CNTNAP3: variants seen among roughly 807,000 people sequenced by gnomAD.
CNTNAP3 encodes the protein contactin-associated protein-like 3.
A neutral mutation model predicts 92.1 loss-of-function variants in CNTNAP3; 36 were observed. That is an observed-to-expected ratio of 0.39 (90% CI 0.30 to 0.52). CNTNAP3 has a LOEUF of 0.52. CNTNAP3 is among the 20% of genes least tolerant of loss of function. The pLI, the probability that CNTNAP3 is intolerant of heterozygous loss-of-function variation, is 0.76. For missense variants in CNTNAP3, 534 were observed against 1,069.6 expected, an observed-to-expected ratio of 0.50 and a Z score of 6.98; for synonymous variants, 232 against 422.3, an observed-to-expected ratio of 0.55 and a Z score of 5.53.
rs1825571060 is a variant in CNTNAP3, at chr9:39,068,787, C to G, written c.*5103G>C. On this transcript the variant is annotated 3_prime_UTR_variant, in exon 24 of 24. Coordinates refer to ENST00000297668, the MANE Select transcript of CNTNAP3 (RefSeq NM_033655.5). The stretch of plus-strand genomic sequence containing the variant: ...TCCATTGTCACTGCTGTCTCAAATT[C>G]TCTCAAGTTGTAAGCTGGGATACTC... 6.6e-6 allele frequency among the ~76,000 whole-genome samples: 1 copy of G among 152,310 alleles called. No homozygotes were observed. Among genetic ancestry groups the G allele is most frequent in the African/African-American group, 2.4e-5 (1 of 41,488 alleles).
chr9:39,097,355 T>C (rs1166057142), intron 18 of CNTNAP3, among the ~76,000 whole-genome samples: 1 of 151,828 alleles, frequency 6.6e-6, no homozygotes. Flanking sequence ...CTGTGGGGAG[T>C]GAGAGTGGCC....
Position 39,118,218 on chromosome 9 carries a change from T to C in CNTNAP3, c.2122A>G (p.Thr708Ala). The change falls in exon 14 of 24, where the codon ACA (threonine) becomes GCA (alanine). Residue 708 changes from threonine to alanine, a missense_variant. Coordinates refer to ENST00000297668, the MANE Select transcript of CNTNAP3 (RefSeq NM_033655.5). ...LSWWVGRTNETHTSWGGSLPD... is the reference protein window; with the variant it reads ...LSWWVGRTNEAHTSWGGSLPD... ...AGAGAACCTCCCCAGGAAGTGTGTG[T>C]TTCATTGGTTCTTCCAACCCACCAG... 1 of 1,608,392 alleles carries C rather than the reference T, an allele frequency of 6.2e-7. No individual in the cohort carries two copies. The highest frequency in any genetic ancestry group is 1.8e-4 in the Middle Eastern group (1 of 5,640).
intron 12 of CNTNAP3, among the ~76,000 whole-genome samples, chr9:39,136,621 C>G (rs1820231544): frequency 6.6e-6 from 1 of 152,092 alleles, no homozygotes; most frequent in African/African-American, 2.4e-5. Flanking sequence ...TTTACCTGGC[C>G]TGGGCACGGT....
intron 13 of CNTNAP3, among the ~76,000 whole-genome samples, chr9:39,131,980 A>G (rs528171660): frequency 2.0e-5 from 3 of 151,876 alleles, no homozygotes; most frequent in African/African-American, 7.3e-5. Flanking sequence ...AAAATTAAAG[A>G]GTGAAATTTA....
In CNTNAP3 at chr9:39,098,308, C is replaced by A. The variant is rs1624666; in HGVS notation, c.2995+1603G>T. On this transcript the variant is annotated intron_variant, in intron 18 of 23. Transcript: ENST00000297668. The stretch of plus-strand genomic sequence containing the variant: ...AGTACACACATACACATACACACAC[C>A]CCCCAAATATATCTGTAAATAAAAA... Among the ~76,000 whole-genome samples, 532 of 149,826 alleles carry A rather than the reference C, an allele frequency of 3.6e-3. 4 individuals are homozygous for A. Among genetic ancestry groups the A allele is most frequent in the African/African-American group, 0.012 (505 of 40,668 alleles).
intron 9 of CNTNAP3, chr9:39,159,245 T>C (rs1822023372): frequency 6.7e-6 from 1 of 149,896 alleles, no homozygotes; most frequent in Admixed American, 6.7e-5. Context: ...CATGATCATG[T>C]ATGTTACTTC....
At chr9:39,139,981 G>A (rs11790484) in intron 12 of CNTNAP3, 2,754 of 152,680 alleles carry the variant, frequency 0.018, 56 homozygotes, top group East Asian at 0.11. Flanking sequence ...TCTGGATCTC[G>A]TGATCTGCCC....
rs1554653674 is a variant in CNTNAP3 at position 39,217,383 on chromosome 9, T to TATATATAC, written c.390+21609_390+21610insGTATATAT. Among the ~76,000 whole-genome samples, 2 of 24,656 alleles carry TATATATAC rather than the reference T, an allele frequency of 8.1e-5. 1 individual carries two copies. The highest frequency in any genetic ancestry group is 1.3e-4 in the African/African-American group (2 of 15,456). 16.2% of individuals were successfully genotyped at this position (24,656 alleles called of 152,430 possible). A position where few individuals can be genotyped will look rare whatever the true frequency, so the allele number is the denominator to read the frequency against. On this transcript the variant is annotated intron_variant, in intron 3 of 23. Coordinates refer to ENST00000297668, the MANE Select transcript of CNTNAP3 (RefSeq NM_033655.5). ...GTATATATATATATATATATATATA[T>TATATATAC]ATATATATATATATATATTCATTGT...
At chr9:39,137,269 A>G (rs1821461935) in intron 12 of CNTNAP3, among the ~76,000 whole-genome samples, 1 of 151,540 alleles carries the variant, frequency 6.6e-6, no homozygotes, top group Non-Finnish European at 1.5e-5. Context: ...TTCTTTCCAA[A>G]GCTGTGCCTG....
intron 21 of CNTNAP3, among the ~76,000 whole-genome samples, chr9:39,082,086 C>CA (rs34730493): frequency 0.23 from 23,105 of 101,938 alleles, 3,610 homozygotes; most frequent in African/African-American, 0.36. Flanking sequence ...AACTCGATCT[C>CA]AAAAAAAAAA....
chr9:39,168,297 G>T (rs867537764), intron 8 of CNTNAP3, among the ~76,000 whole-genome samples: 4 of 150,826 alleles, frequency 2.7e-5, no homozygotes, highest in African/African-American at 9.7e-5. Flanking sequence ...GATTACAGGC[G>T]TGAGCCACCA....
At position 39,069,610 on chromosome 9, in the gene CNTNAP3, A is replaced by T. The variant is rs1315349432; in HGVS notation, c.*4280T>A. ...AACTATGTTATCATTTTGTAAAAAA[A>T]ATACCACAGGAAGTAGTGCTTCAGT... On this transcript the variant is annotated 3_prime_UTR_variant, in exon 24 of 24. Coordinates refer to ENST00000297668, the MANE Select transcript of CNTNAP3 (RefSeq NM_033655.5). Among the ~76,000 whole-genome samples the T allele has an allele frequency of 6.6e-6, 1 of 152,298 alleles. No homozygotes were observed. The highest frequency in any genetic ancestry group is 1.5e-5 in the Non-Finnish European group (1 of 68,052).
rs1825531172 is a variant in CNTNAP3, at chr9:39,067,361, T to A, written c.*6529A>T. Among the ~76,000 whole-genome samples the A allele has an allele frequency of 1.3e-5, 2 of 152,304 alleles. No individual in the cohort carries two copies. Among genetic ancestry groups the A allele is most frequent in the Non-Finnish European group, 2.9e-5 (2 of 68,054 alleles). On this transcript the variant is annotated 3_prime_UTR_variant, in exon 24 of 24. Transcript: ENST00000297668. ...TCTGCCTCTTCACACACTTGGTAAT[T>A]TTTTATTGTATACCAGACATTGTGA...
chr9:39,127,177 A>C (rs1191965936), intron 13 of CNTNAP3, among the ~76,000 whole-genome samples: 2 of 152,136 alleles, frequency 1.3e-5, no homozygotes, highest in East Asian at 3.8e-4. Flanking sequence ...GTCAAAGAAT[A>C]TGCTTCAAAG....
intron 10 of CNTNAP3, among the ~76,000 whole-genome samples, chr9:39,146,565 T>A (rs1821705003): frequency 6.6e-6 from 1 of 152,128 alleles, no homozygotes; most frequent in African/African-American, 2.4e-5. Flanking sequence ...GGCGGGCGCC[T>A]GTAGTTCCAG....
At chr9:39,148,062 A>G (rs1299472992) in intron 10 of CNTNAP3, among the ~76,000 whole-genome samples, 2 of 152,110 alleles carry the variant, frequency 1.3e-5, no homozygotes, top group Admixed American at 6.5e-5. Flanking sequence ...CTGGCTAGTT[A>G]GCTGAGCAAC....
In CNTNAP3 at chr9:39,065,933, G is replaced by A. The variant is rs1246686707; in HGVS notation, c.*7957C>T. ...GCTTGACTCTTATTCTCTTAACAATGTATTTTAAAAGGAGAGTTGTTAATC... is the reference window on the plus strand; with the variant it reads ...GCTTGACTCTTATTCTCTTAACAATATATTTTAAAAGGAGAGTTGTTAATC... On this transcript the variant is annotated 3_prime_UTR_variant, in exon 24 of 24. Coordinates refer to ENST00000297668, the MANE Select transcript of CNTNAP3 (RefSeq NM_033655.5). Among the ~76,000 whole-genome samples, 10 of 152,274 alleles carry A rather than the reference G, an allele frequency of 6.6e-5. No homozygotes were observed. The highest frequency in any genetic ancestry group is 6.5e-5 in the Admixed American group (1 of 15,294).
chr9:39,159,358 T>C (rs967720458), intron 9 of CNTNAP3: 2 of 136,836 alleles, frequency 1.5e-5, no homozygotes, highest in African/African-American at 2.8e-5. Flanking sequence ...TATATATATT[T>C]TAAAAATATT....
At chr9:39,112,367 CT>C (rs1003668875) in intron 14 of CNTNAP3, among the ~76,000 whole-genome samples, 28 of 147,554 alleles carry the variant, frequency 1.9e-4, no homozygotes, top group African/African-American at 2.2e-4. Flanking sequence ...AACTTTTTAA[CT>C]TTTTTTTTTT....
Sources: allele counts gnomAD v4.1 joint callset (sites outside exome capture counted in the v4.1 genomes callset), GRCh38; gene constraint gnomAD v4.1.1; transcripts MANE v1.5; gene names NCBI Gene and HGNC (gene_info 2026-07-23, HGNC 2026-07-21).